DCAKD: variants seen among roughly 807,000 people sequenced by gnomAD.
The protein encoded by DCAKD is dephospho-CoA kinase domain containing, also known as dephospho-CoA kinase domain-containing protein.
Under a neutral mutation model 18.7 loss-of-function variants are expected in DCAKD, and 15 were observed. The ratio of observed to expected loss-of-function variants is 0.80; its 90% CI spans 0.54 to 1.24. DCAKD has a LOEUF of 1.24. Among genes scored for constraint, DCAKD ranks in the 50% most tolerant of loss-of-function variants. The pLI is 0.00. For synonymous variants in DCAKD, 130 were observed against 133.0 expected (o/e 0.98, Z 0.16); for missense variants, 301 against 322.0 (o/e 0.93, Z 0.50).
chr17:45,031,255 C>T (rs2143204637), intron 3 of DCAKD: 3 of 985,270 alleles, frequency 3.0e-6, no homozygotes, highest in Non-Finnish European at 2.4e-6. Context: ...GCAATCTCAG[C>T]TGCTTGGTTT....
intron 4 of DCAKD, among the ~76,000 whole-genome samples, chr17:45,026,208 C>T (rs532216877): frequency 1.0e-4 from 15 of 150,116 alleles, no homozygotes; most frequent in African/African-American, 2.7e-4. Context: ...CATAAGCCAC[C>T]GCGCCTGGAC....
At position 45,030,074 on chromosome 17, in the gene DCAKD, G is replaced by A. The variant is rs750139691; in HGVS notation, c.404+18C>T. The A allele has an allele frequency of 1.1e-5, 17 of 1,598,326 alleles. No individual in the cohort carries two copies. Among genetic ancestry groups the A allele is most frequent in the African/African-American group, 1.4e-5 (1 of 70,242 alleles). The stretch of plus-strand genomic sequence containing the variant: ...CCCCATGGTCCTCCCTTCCAGCCAG[G>A]GCATGCTACACACTCACCAGTATAC... On this transcript the variant is annotated intron_variant, in intron 4 of 4. Transcript: ENST00000651974.
At chr17:45,039,449 A>C (rs1176301522) in intron 1 of DCAKD, among the ~76,000 whole-genome samples, 1 of 152,210 alleles carries the variant, frequency 6.6e-6, no homozygotes, top group Non-Finnish European at 1.5e-5. Context: ...AAAGGTACAG[A>C]CACCCAGGCT....
intron 1 of DCAKD, among the ~76,000 whole-genome samples, chr17:45,059,404 A>C (rs1447066515): frequency 6.6e-6 from 1 of 152,082 alleles, no homozygotes; most frequent in East Asian, 1.9e-4. Context: ...CTTTTTGGCC[A>C]TGGAGCACTC....
upstream of DCAKD, among the ~76,000 whole-genome samples, chr17:45,054,483 G>A (rs1206648793): frequency 6.6e-6 from 1 of 152,016 alleles, no homozygotes; most frequent in African/African-American, 2.4e-5. Context: ...CCCAACCTCA[G>A]GCGATCTGCC....
chr17:45,029,132 G>A (rs1423836551), intron 4 of DCAKD, among the ~76,000 whole-genome samples: 1 of 152,266 alleles, frequency 6.6e-6, no homozygotes, highest in East Asian at 1.9e-4. Flanking sequence ...AACAGGGAAT[G>A]AAGAACCCAA....
At chr17:45,033,590 G>A (rs997693506) in intron 3 of DCAKD, among the ~76,000 whole-genome samples, 3 of 152,114 alleles carry the variant, frequency 2.0e-5, no homozygotes, top group Admixed American at 6.5e-5. Context: ...TCAGCCTCCC[G>A]AGTAGCTGGG....
chr17:45,029,248 C>T (rs1420249319), intron 4 of DCAKD, among the ~76,000 whole-genome samples: 1 of 152,342 alleles, frequency 6.6e-6, no homozygotes, highest in East Asian at 1.9e-4. Flanking sequence ...GGGCTTTCAA[C>T]GACAGCCCAT....
intron 1 of DCAKD, among the ~76,000 whole-genome samples, chr17:45,045,844 G>A (rs2053554793): frequency 6.6e-6 from 1 of 151,392 alleles, no homozygotes. Flanking sequence ...TTTTGTTTTT[G>A]AGACGGAGCC....
rs777222686 is a variant in DCAKD at position 45,034,307 on chromosome 17, G to A, written c.196C>T (p.Arg66Cys). The change falls in exon 3 of 5, where the codon CGC becomes TGC. Residue 66 changes from arginine (R) to cysteine (C), a missense_variant. Coordinates refer to ENST00000651974, the MANE Select transcript of DCAKD (RefSeq NM_001288655.2). ...EVLLENGDIN[R>C]KVLGDLIFNQ... ...AAGATCAGGTCCCCCAGGACCTTGC[G>A]ATTTATGTCGCCGTTCTCCAGCAAG... The A allele has an allele frequency of 3.7e-6, 6 of 1,614,172 alleles. No individual in the cohort carries two copies. The highest frequency in any genetic ancestry group is 2.2e-5 in the East Asian group (1 of 44,882).
At chr17:45,054,485 C>T (rs903580340), upstream of DCAKD, among the ~76,000 whole-genome samples, 3 of 151,828 alleles carry the variant, frequency 2.0e-5, no homozygotes, top group African/African-American at 2.4e-5. Flanking sequence ...CAACCTCAGG[C>T]GATCTGCCTG....
chr17:45,032,153 A>G, intron 3 of DCAKD: 1 of 984,026 alleles, frequency 1.0e-6, no homozygotes, highest in Non-Finnish European at 1.2e-6. Flanking sequence ...AAAGGGCAGG[A>G]ATGAAAGGCA....
At position 45,024,518 on chromosome 17, in the gene DCAKD, G is replaced by A. The variant is rs1422960944; in HGVS notation, c.611C>T (p.Pro204Leu). The A allele has an allele frequency of 8.1e-6, 13 of 1,614,144 alleles. No homozygotes were observed. Among genetic ancestry groups the A allele is most frequent in the South Asian group, 1.1e-5 (1 of 91,072 alleles). ...TELERSLEYL[P>L]LRFGVLTGLA... ...CCCTGTGAGGACCCCAAACCTCAGC[G>A]GCAGGTACTCCAGGGAGCGCTCCAG... The change falls in exon 5 of 5, where the codon CCG (proline) becomes CTG (leucine). Residue 204 changes from proline to leucine, a missense_variant. Pro to Leu is a moderately conservative substitution (Grantham distance 98). Transcript: ENST00000651974.
intron 4 of DCAKD, among the ~76,000 whole-genome samples, chr17:45,029,351 C>A (rs1009687704): frequency 2.6e-5 from 4 of 152,230 alleles, no homozygotes; most frequent in Middle Eastern, 3.2e-3. Flanking sequence ...TGCCTTAGGC[C>A]CTTGAGGGCC....
At position 45,029,958 on chromosome 17, in the gene DCAKD, C is replaced by T; in HGVS notation, c.404+134G>A. On this transcript the variant is annotated intron_variant, in intron 4 of 4. Coordinates refer to ENST00000651974, the MANE Select transcript of DCAKD (RefSeq NM_001288655.2). ...GGCACAAAGGTTGGTTTCTACAGACCCTGAGCACTGCTGCCCAAACCCCCA... is the reference window on the plus strand; with the variant it reads ...GGCACAAAGGTTGGTTTCTACAGACTCTGAGCACTGCTGCCCAAACCCCCA... 6 of 802,230 alleles carry T rather than the reference C, an allele frequency of 7.5e-6. No homozygotes were observed. The South Asian group carries it at 8.9e-5, about 12-fold the overall frequency. 49.7% of individuals were successfully genotyped at this position (802,230 alleles called of 1,614,324 possible).
In DCAKD at chr17:45,024,634, C is replaced by A; in HGVS notation, c.495G>T (p.Leu165=). The A allele has an allele frequency of 1.2e-6, 2 of 1,613,450 alleles. No individual in the cohort carries two copies. Among genetic ancestry groups the A allele is most frequent in the Non-Finnish European group, 1.7e-6 (2 of 1,179,474 alleles). The change falls in exon 5 of 5, where the codon CTG becomes CTT. Residue 165 remains leucine, a synonymous_variant. Transcript: ENST00000651974. ...GGCGGGCCATGCGGGCCTTGTCTGT[C>A]AGGGGCAGCTGGGCATTGATGCGGG... The part of the protein sequence containing the change: ...AEARINAQLP[L]TDKARMARHV...
chr17:45,025,080 TA>T (rs1221849888), intron 4 of DCAKD, among the ~76,000 whole-genome samples: 2 of 146,010 alleles, frequency 1.4e-5, no homozygotes, highest in Non-Finnish European at 3.0e-5. Context: ...TCCCCAGTCA[TA>T]AGGTGGGAAG....
intron 1 of DCAKD, among the ~76,000 whole-genome samples, chr17:45,057,058 C>T (rs540391516): frequency 2.5e-4 from 38 of 151,366 alleles, no homozygotes; most frequent in African/African-American, 7.3e-4. Context: ...TGAGCCACTG[C>T]GCCTGGCCCT....
chr17:45,038,415 G>C (rs1433949461), intron 1 of DCAKD, among the ~76,000 whole-genome samples: 2 of 152,134 alleles, frequency 1.3e-5, no homozygotes, highest in Non-Finnish European at 1.5e-5. Context: ...GAAGGGAGGG[G>C]ACTTCCCACC....
Sources: allele counts gnomAD v4.1 joint callset (sites outside exome capture counted in the v4.1 genomes callset), GRCh38; gene constraint gnomAD v4.1.1; transcripts MANE v1.5; gene names NCBI Gene and HGNC (gene_info 2026-07-23, HGNC 2026-07-21).